The following VAV2 variants were observed in gnomAD, a reference collection of about 807,000 sequenced individuals.
VAV2 encodes vav guanine nucleotide exchange factor 2, also known as guanine nucleotide exchange factor VAV2.
In VAV2, 67 loss-of-function variants were observed where a neutral mutation model predicts 132.5. That is an observed-to-expected ratio of 0.51 (90% CI 0.42 to 0.62). The LOEUF (loss-of-function observed/expected upper bound fraction) is 0.62, where lower values mean the gene tolerates loss of function less well. Ranked by LOEUF, VAV2 falls within the 20% of genes least tolerant of loss-of-function variation. The probability of loss-of-function intolerance (pLI) is 0.00; values close to 1 mark genes in which losing one functional copy is unlikely to be tolerated. For synonymous variants in VAV2, 492 were observed against 443.5 expected (o/e 1.11, Z -1.37); for missense variants, 938 against 1,153.6 (o/e 0.81, Z 2.71).
intron 2 of VAV2, among the ~76,000 whole-genome samples, chr9:133,901,450 C>T (rs1375753398): frequency 6.6e-6 from 1 of 152,246 alleles, no homozygotes; most frequent in Non-Finnish European, 1.5e-5. Context: ...TCCAGCATGG[C>T]CTGTGGTGGC....
intron 2 of VAV2, among the ~76,000 whole-genome samples, chr9:133,905,409 C>CT (rs775016616): frequency 1.9e-3 from 254 of 136,626 alleles, no homozygotes; most frequent in Admixed American, 2.9e-3. Flanking sequence ...GCACTCCAGC[C>CT]TGGGTGACAG....
rs1238864258 is a variant in VAV2, at chr9:133,961,137, A to T, written c.205-21918T>A. The stretch of plus-strand genomic sequence containing the variant: ...CTGCTGAGCGCTTTTAGTTAGCCCA[A>T]CACGGACCAAGGCCACCTCGGCTTC... On this transcript the variant is annotated intron_variant, in intron 1 of 29. Coordinates refer to ENST00000371850, the MANE Select transcript of VAV2 (RefSeq NM_001134398.2). This position sits in a 1 kb window ranked among gnomAD's most constrained non-coding sequence, Gnocchi z 4.1. Among the ~76,000 whole-genome samples the T allele has an allele frequency of 1.3e-5, 2 of 152,242 alleles. No homozygotes were observed. The highest frequency in any genetic ancestry group is 2.4e-5 in the African/African-American group (1 of 41,464).
chr9:133,781,504 G>A (rs1834006662), intron 19 of VAV2, among the ~76,000 whole-genome samples: 1 of 152,206 alleles, frequency 6.6e-6, no homozygotes, highest in Admixed American at 6.5e-5. Context: ...GGGGCAGCTG[G>A]ACGGCAGCAA....
chr9:133,852,029 T>G (rs1329328318), intron 3 of VAV2, among the ~76,000 whole-genome samples: 2 of 151,446 alleles, frequency 1.3e-5, no homozygotes, highest in Non-Finnish European at 2.9e-5. Flanking sequence ...GGTGGAAGGA[T>G]GTATGGATGG....
intron 3 of VAV2, among the ~76,000 whole-genome samples, chr9:133,859,377 G>A (rs563949633): frequency 3.0e-3 from 453 of 152,306 alleles, no homozygotes; most frequent in African/African-American, 0.011. Flanking sequence ...GACTGTCTGC[G>A]GCAGGAGAGG....
intron 1 of VAV2, among the ~76,000 whole-genome samples, chr9:133,965,600 G>A (rs1842118549): frequency 6.6e-6 from 1 of 150,538 alleles, no homozygotes. Flanking sequence ...ATCCCTACAA[G>A]AGAAACTGTA....
intron 1 of VAV2, among the ~76,000 whole-genome samples, chr9:133,965,437 T>G (rs1842111790): frequency 6.7e-6 from 1 of 148,546 alleles, no homozygotes; most frequent in South Asian, 2.1e-4. Flanking sequence ...AGATGAAGGT[T>G]GCAATGAGCC....
chr9:133,875,442 G>T (rs763713931), intron 2 of VAV2, among the ~76,000 whole-genome samples: 2 of 152,184 alleles, frequency 1.3e-5, no homozygotes, highest in African/African-American at 2.4e-5. Flanking sequence ...GGCAGAGGGG[G>T]CCCCACAGAC....
chr9:133,783,127 A>C (rs1435615276), intron 19 of VAV2, among the ~76,000 whole-genome samples: 1 of 152,124 alleles, frequency 6.6e-6, no homozygotes, highest in Non-Finnish European at 1.5e-5. Context: ...CCGCCGGGAG[A>C]ACCCAGGGTG....
At chr9:133,865,754 A>G (rs1333394093) in intron 2 of VAV2, among the ~76,000 whole-genome samples, 1 of 152,208 alleles carries the variant, frequency 6.6e-6, no homozygotes, top group Non-Finnish European at 1.5e-5. Flanking sequence ...ACATACATAT[A>G]TTCACAGATT....
At chr9:133,792,167 GTA>G (rs147217142) in intron 12 of VAV2, among the ~76,000 whole-genome samples, 45 of 149,078 alleles carry the variant, frequency 3.0e-4, no homozygotes, top group Admixed American at 6.7e-4. Context: ...CTGTGTGTGT[GTA>G]AGCGGGCTGT....
intron 1 of VAV2, among the ~76,000 whole-genome samples, chr9:133,946,136 C>T (rs762218174): frequency 3.9e-5 from 6 of 152,222 alleles, no homozygotes; most frequent in African/African-American, 9.6e-5. Flanking sequence ...TGCACGAGAA[C>T]CTGGGCCCTT....
chr9:133,788,277 T>C lies in VAV2; in HGVS notation c.1407+77A>G, dbSNP rs1343238848. 5.7e-6 allele frequency: 7 copies of C among 1,220,220 alleles called. 1 individual carries two copies. Among genetic ancestry groups the C allele is most frequent in the Middle Eastern group, 2.7e-4 (1 of 3,748 alleles). The allele number at this position is 1,220,220 out of a possible 1,614,324, so 75.6% of individuals were successfully genotyped here. On this transcript the variant is annotated intron_variant, in intron 15 of 29. Transcript: ENST00000371850. This position sits in a 1 kb window ranked among gnomAD's most constrained non-coding sequence, Gnocchi z 5.3. The stretch of plus-strand genomic sequence containing the variant: ...CGGCTGACTTCGAGTCCCCTTCCCC[T>C]GGGGTCTGGAACCCAGTGCCTCTCT...
intron 2 of VAV2, among the ~76,000 whole-genome samples, chr9:133,914,471 G>A (rs942316470): frequency 1.3e-5 from 2 of 149,742 alleles, no homozygotes; most frequent in African/African-American, 2.5e-5. Context: ...TAGTGAGCCT[G>A]GAGGACACCA....
At chr9:133,817,426 G>C (rs560294430) in intron 4 of VAV2, among the ~76,000 whole-genome samples, 2 of 152,264 alleles carry the variant, frequency 1.3e-5, no homozygotes, top group Admixed American at 1.3e-4. Flanking sequence ...GCCGAGGTGG[G>C]TGGATCACCT....
In VAV2 at chr9:133,840,559, C is replaced by A. The variant is rs1373228505; in HGVS notation, c.381-6219G>T. Among the ~76,000 whole-genome samples the A allele has an allele frequency of 6.6e-6, 1 of 152,176 alleles. No homozygotes were observed. Among genetic ancestry groups the A allele is most frequent in the Admixed American group, 6.5e-5 (1 of 15,278 alleles). On this transcript the variant is annotated intron_variant, in intron 3 of 29. Transcript: ENST00000371850. This position sits in a 1 kb window ranked among gnomAD's most constrained non-coding sequence, Gnocchi z 4.5. ...TAAGTCACCAGCCAGAGGACACAGA[C>A]CAGAAAACAGAACACCCTACAGGGG...
rs56145872 is a variant in VAV2, at chr9:133,783,489, A to AGG, written c.1723+12_1723+13dup. On this transcript the variant is annotated intron_variant, in intron 19 of 29. Coordinates refer to ENST00000371850, the MANE Select transcript of VAV2 (RefSeq NM_001134398.2). ...GGCCAGGGACTGGGGTGGGGGGGTG[A>AGG]GGGGGGTACTCACTGAACTTGCAGG... The AGG allele has an allele frequency of 7.8e-5, 124 of 1,591,366 alleles. No homozygotes were observed. The highest frequency in any genetic ancestry group is 1.8e-4 in the African/African-American group (12 of 67,182).
intron 12 of VAV2, among the ~76,000 whole-genome samples, chr9:133,792,608 T>C (rs932569151): frequency 6.6e-6 from 1 of 150,428 alleles, no homozygotes; most frequent in Admixed American, 6.6e-5. Context: ...AGCTGTGCTG[T>C]GCAGGGTGTG....
At chr9:133,954,302 T>C (rs1841670993) in intron 1 of VAV2, among the ~76,000 whole-genome samples, 1 of 152,212 alleles carries the variant, frequency 6.6e-6, no homozygotes, top group Non-Finnish European at 1.5e-5. Flanking sequence ...GCTGAGGGCC[T>C]GCGGCCCTGC....
Sources: allele counts gnomAD v4.1 joint callset (sites outside exome capture counted in the v4.1 genomes callset), GRCh38; gene constraint gnomAD v4.1.1; non-coding constraint Gnocchi (gnomAD v3.1); transcripts MANE v1.5; gene names NCBI Gene and HGNC (gene_info 2026-07-23, HGNC 2026-07-21).